Variants in ABCB10 observed in about 807,000 individuals in gnomAD.
The protein encoded by ABCB10 is ATP binding cassette subfamily B member 10.
A neutral mutation model predicts 65.4 loss-of-function variants in ABCB10; 54 were observed. That is an observed-to-expected ratio of 0.83 (90% CI 0.66 to 1.04). The LOEUF (loss-of-function observed/expected upper bound fraction) is 1.04. Among genes scored for constraint, ABCB10 ranks in the 50% least tolerant of loss-of-function variants. The pLI is 0.00. For missense variants in ABCB10, 846 were observed against 976.6 expected (o/e 0.87, Z 1.78); for synonymous variants, 418 against 406.5 (o/e 1.03, Z -0.34).
intron 4 of ABCB10, among the ~76,000 whole-genome samples, chr1:229,541,350 T>C (rs1838463): frequency 0.3 from 46,099 of 151,960 alleles, 8,780 homozygotes; most frequent in African/African-American, 0.54. Flanking sequence ...TCTCGGCCTC[T>C]CAAGTAGCTG....
chr1:229,546,659 C>T (rs1662974022), intron 3 of ABCB10, among the ~76,000 whole-genome samples: 1 of 151,858 alleles, frequency 6.6e-6, no homozygotes, highest in Non-Finnish European at 1.5e-5. Flanking sequence ...TCACTTGAGG[C>T]CAAGAGTTTG....
At position 229,543,055 on chromosome 1, in the gene ABCB10, C is replaced by T. The variant is rs909053205; in HGVS notation, c.922-684G>A. Among the ~76,000 whole-genome samples the T allele has an allele frequency of 3.4e-5, 5 of 146,492 alleles. No homozygotes were observed. The East Asian group carries it at 6.3e-4, about 18-fold the overall frequency. ...CTGAGGAAGGAGAATCGCTTGAACCCGGGAGGTGGAGGTTGCAGTGAGCCA... is the reference window on the plus strand; with the variant it reads ...CTGAGGAAGGAGAATCGCTTGAACCTGGGAGGTGGAGGTTGCAGTGAGCCA... On this transcript the variant is annotated intron_variant, in intron 3 of 12. Transcript: ENST00000344517.
rs759702377 is a variant in ABCB10, at chr1:229,527,287, TG to T, written c.1666del (p.His556MetfsTer6). ...PASGTISLDG[H>X]DIRQLNPVWL... ...CACTGGGTTTAGCTGACGGATGTCA[TG>T]GCCATCAAGACTAATAGTTCCTTGT... On this transcript the variant is annotated frameshift_variant, in exon 9 of 13. Transcript: ENST00000344517. LOFTEE classifies it high-confidence loss of function. 2.4e-5 allele frequency: 38 copies of T among 1,611,058 alleles called. No individual in the cohort carries two copies. The highest frequency in any genetic ancestry group is 3.2e-5 in the Non-Finnish European group (38 of 1,179,488).
At chr1:229,538,995 T>C (rs761332160) in intron 6 of ABCB10, among the ~76,000 whole-genome samples, 1 of 152,236 alleles carries the variant, frequency 6.6e-6, no homozygotes, top group Non-Finnish European at 1.5e-5. Flanking sequence ...TGATAATTTA[T>C]AAATATTTTT....
intron 4 of ABCB10, among the ~76,000 whole-genome samples, chr1:229,541,719 T>C (rs1662850702): frequency 6.6e-6 from 1 of 152,020 alleles, no homozygotes; most frequent in Non-Finnish European, 1.5e-5. Context: ...GTGGGAGGAT[T>C]ACTTGAGCCC....
intron 6 of ABCB10, among the ~76,000 whole-genome samples, chr1:229,534,141 A>G (rs996059380): frequency 6.6e-6 from 1 of 152,238 alleles, no homozygotes; most frequent in Non-Finnish European, 1.5e-5. Flanking sequence ...CACCAGAGAA[A>G]ATATACAGAG....
At chr1:229,524,858 AT>A (rs1020445624) in intron 10 of ABCB10, among the ~76,000 whole-genome samples, 86 of 146,218 alleles carry the variant, frequency 5.9e-4, no homozygotes, top group Non-Finnish European at 6.4e-4. Flanking sequence ...AAAACCCACA[AT>A]TTTTTTTTTT....
At chr1:229,557,361 T>C (rs752316560) in intron 1 of ABCB10, among the ~76,000 whole-genome samples, 1 of 152,208 alleles carries the variant, frequency 6.6e-6, no homozygotes, top group Non-Finnish European at 1.5e-5. Context: ...TCCTTGTGCA[T>C]GCCACTGTAA....
chr1:229,553,596 A>G (rs1476325077), intron 1 of ABCB10, among the ~76,000 whole-genome samples: 1 of 151,860 alleles, frequency 6.6e-6, no homozygotes, highest in Non-Finnish European at 1.5e-5. Context: ...GTTGGATGTG[A>G]GCATTTTTCC....
At chr1:229,530,702 C>G (rs1225294903) in intron 7 of ABCB10, among the ~76,000 whole-genome samples, 2 of 152,210 alleles carry the variant, frequency 1.3e-5, no homozygotes, top group Admixed American at 6.5e-5. Flanking sequence ...TTGAAGACCA[C>G]AGACAACAAC....
intron 3 of ABCB10, among the ~76,000 whole-genome samples, chr1:229,544,322 T>C (rs2102702813): frequency 7.0e-6 from 1 of 143,556 alleles, no homozygotes; most frequent in African/African-American, 2.6e-5. Flanking sequence ...GAGGCTGACG[T>C]GGGAGGATCA....
intron 1 of ABCB10, among the ~76,000 whole-genome samples, chr1:229,552,470 A>G (rs1245599348): frequency 2.0e-5 from 3 of 152,192 alleles, no homozygotes; most frequent in African/African-American, 7.2e-5. Flanking sequence ...GATACCTTCA[A>G]GTATCTTTGT....
intron 2 of ABCB10, among the ~76,000 whole-genome samples, chr1:229,548,523 T>C (rs1407455386): frequency 6.6e-6 from 1 of 152,106 alleles, no homozygotes; most frequent in Non-Finnish European, 1.5e-5. Context: ...CAAGACCTCT[T>C]CAGAGAAATA....
chr1:229,556,231 G>C (rs1424690637), intron 1 of ABCB10, among the ~76,000 whole-genome samples: 3 of 152,182 alleles, frequency 2.0e-5, no homozygotes, highest in Non-Finnish European at 4.4e-5. Context: ...AATTAGCCGG[G>C]TATGATGGCA....
At chr1:229,531,231 T>C (rs1453263302) in intron 7 of ABCB10, among the ~76,000 whole-genome samples, 2 of 152,188 alleles carry the variant, frequency 1.3e-5, no homozygotes, top group Non-Finnish European at 2.9e-5. Context: ...TATTTTCTTA[T>C]GTCTGATTCC....
rs962770315 is a variant in ABCB10, at chr1:229,558,362, G to A, written c.291C>T (p.Pro97=). Residue 97 remains proline, a synonymous_variant, in exon 1 of 13, where the codon CCC becomes CCT. Transcript: ENST00000344517. The part of the protein sequence containing the change: ...ARLLGLWARG[P]GSCRCGAFAG... ...CAAAAGCCCCGCACCTGCAGCTGCC[G>A]GGGCCGCGAGCCCACAGCCCCAGGA... 11 of 1,251,322 alleles carry A rather than the reference G, an allele frequency of 8.8e-6. No homozygotes were observed. The African/African-American group carries it at 1.3e-4, about 15-fold the overall frequency. 77.5% of individuals were successfully genotyped at this position (1,251,322 alleles called of 1,614,324 possible). A position where few individuals can be genotyped will look rare whatever the true frequency, so the allele number is the denominator to read the frequency against.
intron 6 of ABCB10, 182 bp from the exon 7 acceptor site, chr1:229,531,913 G>A (rs1222540224): frequency 3.6e-6 from 1 of 277,106 alleles, no homozygotes; most frequent in East Asian, 6.7e-5. Context: ...TCATACTCTA[G>A]TTTTCCTTTG....
chr1:229,546,167 G>A (rs1286526753), intron 3 of ABCB10, among the ~76,000 whole-genome samples: 7 of 131,384 alleles, frequency 5.3e-5, no homozygotes, highest in East Asian at 4.4e-4. Flanking sequence ...GCGATACTCC[G>A]TCTCAAAAAA....
At chr1:229,521,112 T>C (rs539358875) in intron 11 of ABCB10, among the ~76,000 whole-genome samples, 167 of 152,228 alleles carry the variant, frequency 1.1e-3, no homozygotes, top group Admixed American at 3.7e-3. Context: ...AACAGTTGTA[T>C]AACAAAGGGA....
Sources: gnomAD v4.1 joint callset for allele counts (sites outside exome capture counted in the v4.1 genomes callset) on GRCh38, gnomAD v4.1.1 for gene constraint, MANE v1.5 for transcripts, NCBI Gene and HGNC (gene_info 2026-07-23, HGNC 2026-07-21) for gene names.